CLPTM1L: variants seen among roughly 807,000 people sequenced by gnomAD.
The protein encoded by CLPTM1L is CLPTM1 like, also known as lipid scramblase CLPTM1L.
Under a neutral mutation model 70.9 loss-of-function variants are expected in CLPTM1L, and 38 were observed. That is an observed-to-expected ratio of 0.54 (90% CI 0.41 to 0.70). CLPTM1L has a LOEUF of 0.70. CLPTM1L is among the 30% of genes least tolerant of loss of function. The probability of loss-of-function intolerance (pLI) is 0.00; values close to 1 mark genes in which losing one functional copy is unlikely to be tolerated. For synonymous variants in CLPTM1L, 339 were observed against 299.9 expected, an observed-to-expected ratio of 1.13 and a Z score of -1.35; for missense variants, 652 against 705.9, an observed-to-expected ratio of 0.92 and a Z score of 0.87.
At chr5:1,340,663 G>A (rs1753882342) in intron 3 of CLPTM1L, among the ~76,000 whole-genome samples, 1 of 152,186 alleles carries the variant, frequency 6.6e-6, no homozygotes, top group Admixed American at 6.5e-5. Flanking sequence ...GATGCAAACT[G>A]GGGAGAGGCA....
At chr5:1,321,541 G>C in intron 15 of CLPTM1L, 94 bp downstream of exon 15, 1 of 1,102,542 alleles carries the variant, frequency 9.1e-7, no homozygotes, top group Non-Finnish European at 1.4e-6. Flanking sequence ...TGCACTCTGG[G>C]CAGAGATGGC....
At chr5:1,339,062 G>C in intron 3 of CLPTM1L, 57 bp from the exon 4 acceptor site, 1 of 1,576,446 alleles carries the variant, frequency 6.3e-7, no homozygotes, top group South Asian at 1.1e-5. Context: ...GCCCAGGACA[G>C]CAGGGTCAGC....
intron 7 of CLPTM1L, among the ~76,000 whole-genome samples, chr5:1,333,956 G>A (rs1019995488): frequency 2.6e-5 from 4 of 152,116 alleles, no homozygotes; most frequent in African/African-American, 9.7e-5. Flanking sequence ...GGGAGAGTGA[G>A]ATGCCTGCAC....
chr5:1,344,339 C>A lies in CLPTM1L; in HGVS notation c.263+12G>T. 6.3e-7 allele frequency: 1 copy of A among 1,576,484 alleles called. No homozygotes were observed. The highest frequency in any genetic ancestry group is 8.7e-7 in the Non-Finnish European group (1 of 1,145,730). On this transcript the variant is annotated intron_variant, in intron 2 of 16. Coordinates refer to ENST00000320895, the MANE Select transcript of CLPTM1L (RefSeq NM_030782.5). Reference sequence around the variant, plus strand: ...TTTTCCCTTTCACTGGCATTTTGTCCTACGCCCATACCTTTCAAATTTGGA... The same window carrying A: ...TTTTCCCTTTCACTGGCATTTTGTCATACGCCCATACCTTTCAAATTTGGA...
chr5:1,334,706 AT>A (rs1753445247), intron 6 of CLPTM1L, among the ~76,000 whole-genome samples: 1 of 152,172 alleles, frequency 6.6e-6, no homozygotes, highest in Non-Finnish European at 1.5e-5. Flanking sequence ...GTAACCAGAG[AT>A]TGTGCCACTG....
At chr5:1,335,198 G>A in intron 5 of CLPTM1L, 24 bp from the exon 6 acceptor site, 1 of 1,590,448 alleles carries the variant, frequency 6.3e-7, no homozygotes, top group Non-Finnish European at 8.6e-7. Context: ...CCACACTGAG[G>A]GCCCTGCCCT....
At chr5:1,330,067 T>C (rs1003539492) in intron 9 of CLPTM1L, among the ~76,000 whole-genome samples, 3 of 152,074 alleles carry the variant, frequency 2.0e-5, no homozygotes, top group Admixed American at 1.3e-4. Flanking sequence ...CCTCATGAGC[T>C]GATACCACCC....
chr5:1,319,413 C>T (rs917090791), intron 16 of CLPTM1L, among the ~76,000 whole-genome samples: 3 of 152,094 alleles, frequency 2.0e-5, no homozygotes, highest in African/African-American at 7.2e-5. Flanking sequence ...CGGCCATGAG[C>T]CACTGTGTGG....
At position 1,334,295 on chromosome 5, in the gene CLPTM1L, C is replaced by T. The variant is rs368342519; in HGVS notation, c.885G>A (p.Ala295=). 6.9e-5 allele frequency: 111 copies of T among 1,613,290 alleles called. No homozygotes were observed. In the Admixed American group the frequency reaches 7.8e-4, roughly 11 times the overall value. Residue 295 remains alanine (A), a synonymous_variant, in exon 7 of 17, where the codon GCG becomes GCA. Transcript: ENST00000320895. ...YFLALTFFVA[A]FHLLFDFLAF... ...CCCCCGGTGGATGACTCACATGGAA[C>T]GCTGCGACAAAGAAGGTCAGCGCCA...
rs751176297 is a variant in CLPTM1L at position 1,343,189 on chromosome 5, C to CA, written c.263+1161dup. Among the ~76,000 whole-genome samples the CA allele has an allele frequency of 5.0e-3, 687 of 138,050 alleles. 4 individuals are homozygous for CA. Among genetic ancestry groups the CA allele is most frequent in the East Asian group, 0.012 (56 of 4,808 alleles). The allele number at this position is 138,050 out of a possible 152,430, so 90.6% of individuals were successfully genotyped here. On this transcript the variant is annotated intron_variant, in intron 2 of 16. Coordinates refer to ENST00000320895, the MANE Select transcript of CLPTM1L (RefSeq NM_030782.5). ...CTGGCAACAGAGCAAGACTCTATCT[C>CA]AAAAAAAAAAAAAAATCTTACGGCC...
At chr5:1,331,637 C>T in intron 8 of CLPTM1L, 162 bp downstream of exon 8, 4 of 639,414 alleles carry the variant, frequency 6.3e-6, no homozygotes, top group East Asian at 2.7e-5. Context: ...CGCAACGGCT[C>T]CCTGGGCTTT....
chr5:1,334,199 A>G (rs1753398393), intron 7 of CLPTM1L, 90 bp downstream of exon 7: 1 of 914,110 alleles, frequency 1.1e-6, no homozygotes, highest in Middle Eastern at 2.4e-4. Flanking sequence ...GACGGCGCCC[A>G]CAAACCCCAG....
At chr5:1,343,316 G>A (rs971854335) in intron 2 of CLPTM1L, among the ~76,000 whole-genome samples, 4 of 152,196 alleles carry the variant, frequency 2.6e-5, no homozygotes, top group Admixed American at 2.6e-4. Flanking sequence ...CAGGCAGAGG[G>A]TGCAGGGCTG....
At position 1,331,851 on chromosome 5, in the gene CLPTM1L, G is replaced by T. The variant is rs199975249; in HGVS notation, c.924C>A (p.Asp308Glu). The change falls in exon 8 of 17, where the codon GAC (aspartate) becomes GAA (glutamate). Residue 308 changes from aspartate to glutamate, a missense_variant. By Grantham distance (45) the Asp-to-Glu change is conservative. Transcript: ENST00000320895. ...LLFDFLAFKN[D>E]ISFWKKKKSM... Reference sequence around the variant, plus strand: ...TCTTCTTCTTCTTCCAGAAACTGATGTCATTTTTAAAGGCCAGGAAATCAA... The same window carrying T: ...TCTTCTTCTTCTTCCAGAAACTGATTTCATTTTTAAAGGCCAGGAAATCAA... 1.2e-6 allele frequency: 2 copies of T among 1,613,454 alleles called. No homozygotes were observed. The highest frequency in any genetic ancestry group is 4.5e-5 in the East Asian group (2 of 44,886).
chr5:1,341,891 C>T, intron 2 of CLPTM1L, 31 bp from the exon 3 acceptor site: 3 of 1,551,176 alleles, frequency 1.9e-6, no homozygotes, highest in Middle Eastern at 3.4e-4. Flanking sequence ...CCACTACATA[C>T]ATATTATATT....
intron 9 of CLPTM1L, among the ~76,000 whole-genome samples, chr5:1,327,349 TCCAGCTCCTCCTCTACAGGCACATTC>T: frequency 7.1e-6 from 1 of 141,462 alleles, no homozygotes; most frequent in East Asian, 2.1e-4. Flanking sequence ...ACACATTCCA[TCCAGCTCCTCCTCTACAGGCACATTC>T]CATCCAGCTC....
chr5:1,343,722 A>C (rs1423096110), intron 2 of CLPTM1L, among the ~76,000 whole-genome samples: 2 of 152,228 alleles, frequency 1.3e-5, no homozygotes, highest in Admixed American at 1.3e-4. Flanking sequence ...GAGGGCGTGG[A>C]GTCCAGCATG....
At chr5:1,327,311 C>A (rs866831612) in intron 9 of CLPTM1L, among the ~76,000 whole-genome samples, 1 of 134,154 alleles carries the variant, frequency 7.5e-6, no homozygotes, top group Non-Finnish European at 1.7e-5. Context: ...CCTCTACAGA[C>A]ACATTCCATC....
chr5:1,330,567 T>G (rs939413830), intron 8 of CLPTM1L, 184 bp from the exon 9 acceptor site: 4 of 588,546 alleles, frequency 6.8e-6, no homozygotes, highest in Middle Eastern at 4.5e-4. Context: ...AGGAAAGTGT[T>G]TGGAAGGCTG....
Sources: gnomAD v4.1 joint callset for allele counts (sites outside exome capture counted in the v4.1 genomes callset) on GRCh38, gnomAD v4.1.1 for gene constraint, MANE v1.5 for transcripts, NCBI Gene and HGNC (gene_info 2026-07-23, HGNC 2026-07-21) for gene names.